MYO3B: variants seen among roughly 807,000 people sequenced by gnomAD.
MYO3B encodes the protein myosin-IIIb.
In MYO3B, 156 loss-of-function variants were observed where a neutral mutation model predicts 174.6. The observed-to-expected ratio is 0.89, with a 90% confidence interval of 0.78 to 1.02. MYO3B has a LOEUF of 1.02. Ranked by LOEUF, MYO3B falls within the 50% of genes least tolerant of loss-of-function variation. The pLI is 0.00. For missense variants in MYO3B, 1,632 were observed against 1,639.4 expected (o/e 1.00, Z 0.08); for synonymous variants, 563 against 569.1 (o/e 0.99, Z 0.15).
chr2:170,594,558 A>G (rs1397105035), intron 32 of MYO3B, among the ~76,000 whole-genome samples: 2 of 152,134 alleles, frequency 1.3e-5, no homozygotes, highest in African/African-American at 4.8e-5. Context: ...AGCAAATAGG[A>G]ATTTTACCAC....
chr2:170,534,603 G>A lies in MYO3B; in HGVS notation c.3576-8303G>A, dbSNP rs1575128094. ...TGGGACTACAGATGTGCGCCACCACGCCTGACTAAATTTTTTTGTAGAAAC... is the reference window on the plus strand; with the variant it reads ...TGGGACTACAGATGTGCGCCACCACACCTGACTAAATTTTTTTGTAGAAAC... On this transcript the variant is annotated intron_variant, in intron 30 of 34. Transcript: ENST00000408978. Among the ~76,000 whole-genome samples the A allele has an allele frequency of 3.9e-5, 6 of 152,142 alleles. 1 individual carries two copies. The South Asian group carries it at 1.2e-3, about 32-fold the overall frequency.
chr2:170,363,449 C>CAGTTT (rs1269166237), intron 8 of MYO3B, among the ~76,000 whole-genome samples: 1 of 152,132 alleles, frequency 6.6e-6, no homozygotes, highest in African/African-American at 2.4e-5. Context: ...AGTTTACAGG[C>CAGTTT]ACAGAGTAGC....
intron 32 of MYO3B, among the ~76,000 whole-genome samples, chr2:170,607,677 G>A (rs756399438): frequency 2.0e-5 from 3 of 152,184 alleles, no homozygotes; most frequent in Non-Finnish European, 4.4e-5. Context: ...TTTTCACCTG[G>A]TAATAGCTAG....
intron 28 of MYO3B, among the ~76,000 whole-genome samples, chr2:170,504,156 C>T (rs60861374): frequency 1.4e-3 from 220 of 152,278 alleles, no homozygotes; most frequent in African/African-American, 3.7e-3. Flanking sequence ...TAGGAGCCTG[C>T]AGGAAGTGGC....
chr2:170,646,519 G>A (rs549052722), intron 32 of MYO3B, among the ~76,000 whole-genome samples: 9 of 151,706 alleles, frequency 5.9e-5, no homozygotes, highest in Non-Finnish European at 7.4e-5. Flanking sequence ...CTCAGCCTCC[G>A]GAGTAGTTGG....
chr2:170,491,945 T>A (rs1452864585), intron 25 of MYO3B, among the ~76,000 whole-genome samples: 1 of 151,798 alleles, frequency 6.6e-6, no homozygotes, highest in Non-Finnish European at 1.5e-5. Flanking sequence ...TCCCAGCTAC[T>A]CAGGAAGCTG....
chr2:170,571,699 A>T lies in MYO3B; in HGVS notation c.3733+27711A>T, dbSNP rs146494147. On this transcript the variant is annotated intron_variant, in intron 32 of 34. Coordinates refer to ENST00000408978, the MANE Select transcript of MYO3B (RefSeq NM_138995.5). ...TGAGAGCCCGAGTCAAAGCAGTGAG[A>T]TAGATGGGATGATTCATGTAGGGAG... 1.9e-3 allele frequency among the ~76,000 whole-genome samples: 289 copies of T among 152,310 alleles called. 4 individuals are homozygous for T. The highest frequency in any genetic ancestry group is 0.017 in the Admixed American group (256 of 15,302).
At position 170,402,897 on chromosome 2, in the gene MYO3B, GA is replaced by G; in HGVS notation, c.2180del (p.Glu727GlyfsTer13). The stretch of plus-strand genomic sequence containing the variant: ...GGGGATCTTGGATATCTTTGGATTC[GA>G]GAATTTTCAGAGAAATTCATTTGAG... Reference protein sequence around the residue: ...NVGILDIFGFENFQRNSFEQL... With the variant: ...NVGILDIFGFXNFQRNSFEQL... On this transcript the variant is annotated frameshift_variant, in exon 19 of 35. Coordinates refer to ENST00000408978, the MANE Select transcript of MYO3B (RefSeq NM_138995.5). LOFTEE classifies it high-confidence loss of function. 1 of 1,611,842 alleles carries G rather than the reference GA, an allele frequency of 6.2e-7. No homozygotes were observed. Among genetic ancestry groups the G allele is most frequent in the Non-Finnish European group, 8.5e-7 (1 of 1,178,352 alleles).
At chr2:170,427,239 T>C (rs903105000) in intron 22 of MYO3B, among the ~76,000 whole-genome samples, 1 of 152,194 alleles carries the variant, frequency 6.6e-6, no homozygotes, top group Non-Finnish European at 1.5e-5. Flanking sequence ...AAATAATCTT[T>C]GTTGGCCTTT....
chr2:170,528,498 C>T (rs956405886), intron 30 of MYO3B, among the ~76,000 whole-genome samples: 5 of 152,156 alleles, frequency 3.3e-5, no homozygotes, highest in East Asian at 3.9e-4. Context: ...CTCTGCCTCC[C>T]GGGTTTAACC....
rs370958675 is a variant in MYO3B at position 170,401,554 on chromosome 2, C to T, written c.1992C>T (p.Gly664=). Residue 664 remains glycine, a synonymous_variant, in exon 18 of 35, where the codon GGC becomes GGT. Coordinates refer to ENST00000408978, the MANE Select transcript of MYO3B (RefSeq NM_138995.5). ...CCTCCCACTGTGTGGTCACCCGGGG[C>T]GAGACCATCATCCGTGCCAACACTG... ...ALTSHCVVTR[G]ETIIRANTVD... The T allele has an allele frequency of 3.3e-5, 54 of 1,614,116 alleles. No individual in the cohort carries two copies. The African/African-American group carries it at 4.0e-4, about 12-fold the overall frequency.
chr2:170,415,366 T>C (rs886588091), intron 22 of MYO3B, among the ~76,000 whole-genome samples: 6 of 152,236 alleles, frequency 3.9e-5, no homozygotes, highest in African/African-American at 1.4e-4. Context: ...ATTCAACATT[T>C]TATATCCACA....
rs548661900 is a variant in MYO3B, at chr2:170,286,311, C to T, written c.750-49074C>T. ...TGGTAGTCCTAACAGAGTAAGATGC[C>T]TTCTACATCTGATTAACCTAAAGCT... On this transcript the variant is annotated intron_variant, in intron 7 of 34. Transcript: ENST00000408978. Among the ~76,000 whole-genome samples the T allele has an allele frequency of 4.6e-5, 7 of 152,200 alleles. No individual in the cohort carries two copies. The South Asian group carries it at 1.5e-3, about 32-fold the overall frequency.
intron 8 of MYO3B, chr2:170,340,882 G>A (rs1308430461): frequency 6.6e-6 from 1 of 151,992 alleles, no homozygotes; most frequent in Non-Finnish European, 1.5e-5. Context: ...GCCATATTTT[G>A]GGGTAGCATT....
chr2:170,309,608 G>A (rs761227147), intron 7 of MYO3B, among the ~76,000 whole-genome samples: 2 of 152,156 alleles, frequency 1.3e-5, no homozygotes, highest in Non-Finnish European at 2.9e-5. Flanking sequence ...AGACTGGCAT[G>A]CGTGTGCTCA....
rs2215995 is a variant in MYO3B at position 170,568,046 on chromosome 2, C to T, written c.3733+24058C>T. Among the ~76,000 whole-genome samples, 879 of 152,282 alleles carry T rather than the reference C, an allele frequency of 5.8e-3. 3 individuals carry two copies. The highest frequency in any genetic ancestry group is 9.1e-3 in the Non-Finnish European group (616 of 68,016). On this transcript the variant is annotated intron_variant, in intron 32 of 34. Coordinates refer to ENST00000408978, the MANE Select transcript of MYO3B (RefSeq NM_138995.5). Reference sequence around the variant, plus strand: ...TGATACCCTCAGCTTTCAAAGCAGCCAGGCAGTACTGGGCAACTGGAGGCA... The same window carrying T: ...TGATACCCTCAGCTTTCAAAGCAGCTAGGCAGTACTGGGCAACTGGAGGCA...
chr2:170,452,162 C>T (rs1001003379), intron 23 of MYO3B, among the ~76,000 whole-genome samples: 1 of 151,886 alleles, frequency 6.6e-6, no homozygotes, highest in East Asian at 1.9e-4. Context: ...AAGGCTTTCC[C>T]ATAATGCAAA....
intron 22 of MYO3B, chr2:170,408,450 A>G (rs2094525272): frequency 6.6e-6 from 1 of 152,290 alleles, no homozygotes; most frequent in Admixed American, 6.5e-5. Context: ...AAAGAACAGA[A>G]CTTCCAGGTC....
At position 170,473,638 on chromosome 2, in the gene MYO3B, C is replaced by A. The variant is rs925285962; in HGVS notation, c.3014+6927C>A. Among the ~76,000 whole-genome samples the A allele has an allele frequency of 2.0e-5, 3 of 152,090 alleles. No individual in the cohort carries two copies. In the South Asian group the frequency reaches 6.2e-4, roughly 32 times the overall value. On this transcript the variant is annotated intron_variant, in intron 25 of 34. Coordinates refer to ENST00000408978, the MANE Select transcript of MYO3B (RefSeq NM_138995.5). ...CTCTTTATCAATAAAAGGTAAGAAA[C>A]CTAAATAAGTTGATTTAAAATAAGG... is the stretch of plus-strand genomic sequence containing the variant.
Sources: gnomAD v4.1 joint callset for allele counts (sites outside exome capture counted in the v4.1 genomes callset) on GRCh38, gnomAD v4.1.1 for gene constraint, MANE v1.5 for transcripts, NCBI Gene and HGNC (gene_info 2026-07-23, HGNC 2026-07-21) for gene names.